The following SEL1L3 variants were observed in gnomAD, a reference collection of about 807,000 sequenced individuals.
The protein encoded by SEL1L3 is SEL1L family member 3.
Under a neutral mutation model 142.8 loss-of-function variants are expected in SEL1L3, and 76 were observed. The observed-to-expected ratio is 0.53, with a 90% confidence interval of 0.44 to 0.64. SEL1L3 has a LOEUF of 0.64. Ranked by LOEUF, SEL1L3 falls within the 30% of genes least tolerant of loss-of-function variation. SEL1L3 has a pLI of 0.00. For synonymous variants in SEL1L3, 504 were observed against 519.6 expected, an observed-to-expected ratio of 0.97 and a Z score of 0.41; for missense variants, 1,262 against 1,381.7, an observed-to-expected ratio of 0.91 and a Z score of 1.37.
At chr4:25,719,991 T>C in the SEL1L3 span, 5 of 152,214 alleles carry the variant, frequency 3.3e-5, no homozygotes, top group Non-Finnish European at 7.3e-5. Context: ...AGTAGTGATA[T>C]GGTGTATGCT....
intron 16 of SEL1L3, 120 bp downstream of exon 16, chr4:25,778,956 T>A: frequency 1.3e-6 from 1 of 797,300 alleles, no homozygotes; most frequent in Non-Finnish European, 1.9e-6. Context: ...ATTACATGAC[T>A]TTTAAAACTA....
At chr4:25,755,829 T>C (rs1717920787) in intron 23 of SEL1L3, 1 of 964,706 alleles carries the variant, frequency 1.0e-6, no homozygotes, top group Admixed American at 6.2e-5. Context: ...GTAATAATCA[T>C]CACAATATTT....
intron 17 of SEL1L3, among the ~76,000 whole-genome samples, chr4:25,772,335 T>C (rs1230957817): frequency 6.6e-6 from 1 of 152,068 alleles, no homozygotes; most frequent in Non-Finnish European, 1.5e-5. Flanking sequence ...TTAGCTTCTG[T>C]ATCAAGATTA....
intron 2 of SEL1L3, among the ~76,000 whole-genome samples, chr4:25,843,775 G>A (rs1716323247): frequency 1.3e-5 from 2 of 152,222 alleles, no homozygotes; most frequent in African/African-American, 4.8e-5. Flanking sequence ...TTCCCTGCAG[G>A]GCTGGGTAAA....
chr4:25,837,737 T>A (rs1468790189), intron 2 of SEL1L3, among the ~76,000 whole-genome samples: 1 of 152,128 alleles, frequency 6.6e-6, no homozygotes, highest in Non-Finnish European at 1.5e-5. Flanking sequence ...AGGAGAAGAC[T>A]TTAAAATTCA....
intron 9 of SEL1L3, among the ~76,000 whole-genome samples, chr4:25,805,826 T>G (rs1277546698): frequency 1.3e-5 from 2 of 152,206 alleles, no homozygotes; most frequent in Non-Finnish European, 2.9e-5. Flanking sequence ...TACATTTAAC[T>G]TAAGACTTAA....
intron 20 of SEL1L3, 96 bp downstream of exon 20, chr4:25,765,220 CTGACCTCAAG>C (rs1718633599): frequency 1.3e-6 from 1 of 742,828 alleles, no homozygotes; most frequent in Non-Finnish European, 2.4e-6. Context: ...TCCCGAATTC[CTGACCTCAAG>C]TGACCCGCCC....
At chr4:25,752,316 C>T (rs1717653250) in intron 23 of SEL1L3, among the ~76,000 whole-genome samples, 1 of 148,794 alleles carries the variant, frequency 6.7e-6, no homozygotes, top group Non-Finnish European at 1.5e-5. Context: ...ACTCAGGAGG[C>T]TGAGGCAGGA....
chr4:25,767,704 C>T (rs757150421), intron 18 of SEL1L3, 36 bp downstream of exon 18: 2 of 1,496,058 alleles, frequency 1.3e-6, no homozygotes, highest in African/African-American at 1.4e-5. Flanking sequence ...TCCTTAACCT[C>T]AGAGCTTCTA....
intron 12 of SEL1L3, among the ~76,000 whole-genome samples, chr4:25,789,147 T>A (rs550793367): frequency 6.6e-6 from 1 of 152,180 alleles, no homozygotes; most frequent in Non-Finnish European, 1.5e-5. Flanking sequence ...TAGTTCCACA[T>A]GGGTCCTTTG....
the SEL1L3 span, among the ~76,000 whole-genome samples, chr4:25,723,320 G>A: frequency 6.6e-6 from 1 of 152,180 alleles, no homozygotes. Flanking sequence ...TACATCAAGG[G>A]TGCTGTATAC....
At chr4:25,725,154 G>A in the SEL1L3 span, among the ~76,000 whole-genome samples, 1 of 152,156 alleles carries the variant, frequency 6.6e-6, no homozygotes, top group African/African-American at 2.4e-5. Flanking sequence ...CCAGAAAGGA[G>A]TCCCAATCCA....
chr4:25,746,515 T>A (rs60149976), downstream of SEL1L3, among the ~76,000 whole-genome samples: 4 of 70,794 alleles, frequency 5.7e-5, no homozygotes, highest in South Asian at 9.4e-4. Context: ...TAAATATATA[T>A]ATATATATAT....
intron 11 of SEL1L3, among the ~76,000 whole-genome samples, chr4:25,792,176 T>C (rs970177105): frequency 2.0e-5 from 3 of 152,212 alleles, no homozygotes; most frequent in Non-Finnish European, 4.4e-5. Context: ...ATGCTCAGTG[T>C]TTGAGATACG....
intron 17 of SEL1L3, chr4:25,770,502 G>A (rs540871384): frequency 6.6e-6 from 1 of 152,332 alleles, no homozygotes; most frequent in Admixed American, 6.5e-5. Context: ...CACTTTGGGA[G>A]GCCAAGGCAG....
chr4:25,808,977 G>A (rs1332904805), intron 9 of SEL1L3, among the ~76,000 whole-genome samples: 2 of 148,918 alleles, frequency 1.3e-5, no homozygotes, highest in Non-Finnish European at 3.0e-5. Context: ...GGAGGGTGAG[G>A]CAGGAGAATG....
At chr4:25,744,410 A>T (rs944309536), downstream of SEL1L3, among the ~76,000 whole-genome samples, 1 of 128,588 alleles carries the variant, frequency 7.8e-6, no homozygotes, top group African/African-American at 2.9e-5. Context: ...GTGCAATGGC[A>T]TGGCACGATC....
chr4:25,824,244 C>G (rs976533453), intron 6 of SEL1L3, among the ~76,000 whole-genome samples: 2 of 152,106 alleles, frequency 1.3e-5, no homozygotes, highest in African/African-American at 4.8e-5. Context: ...TAGATGGATA[C>G]AAAGCAACAC....
At chr4:25,801,903 C>T (rs1447709300) in intron 11 of SEL1L3, among the ~76,000 whole-genome samples, 1 of 152,168 alleles carries the variant, frequency 6.6e-6, no homozygotes, top group Admixed American at 6.5e-5. Context: ...CCTGCCTCCA[C>T]TGAATTTGAC....
Sources: gnomAD v4.1 joint callset for allele counts (sites outside exome capture counted in the v4.1 genomes callset) on GRCh38, gnomAD v4.1.1 for gene constraint, MANE v1.5 for transcripts, NCBI Gene and HGNC (gene_info 2026-07-23, HGNC 2026-07-21) for gene names.